Variants in WDR17 observed in about 807,000 individuals in gnomAD.
WDR17 encodes WD repeat domain 17, also known as WD repeat-containing protein 17.
A neutral mutation model predicts 161.7 loss-of-function variants in WDR17; 143 were observed. That is an observed-to-expected ratio of 0.88 (90% CI 0.77 to 1.02). The LOEUF (loss-of-function observed/expected upper bound fraction) is 1.02, where lower values mean the gene tolerates loss of function less well. WDR17 is among the 50% of genes least tolerant of loss of function. WDR17 has a pLI of 0.00. For missense variants in WDR17, 1,469 were observed against 1,520.9 expected, an observed-to-expected ratio of 0.97 and a Z score of 0.57; for synonymous variants, 517 against 515.6, an observed-to-expected ratio of 1.00 and a Z score of -0.04.
At chr4:176,144,395 A>G (rs373574176) in intron 11 of WDR17, among the ~76,000 whole-genome samples, 3 of 152,224 alleles carry the variant, frequency 2.0e-5, no homozygotes, top group Admixed American at 2.0e-4. Flanking sequence ...TATTCTTAGC[A>G]AAACACTCAG....
chr4:176,130,812 C>A (rs1027891572), intron 6 of WDR17, among the ~76,000 whole-genome samples: 1 of 150,392 alleles, frequency 6.6e-6, no homozygotes, highest in Admixed American at 6.6e-5. Context: ...ATCGATTGGT[C>A]TTATAATTTA....
At chr4:176,090,743 C>A (rs1457630169) in intron 1 of WDR17, among the ~76,000 whole-genome samples, 5 of 152,168 alleles carry the variant, frequency 3.3e-5, no homozygotes, top group African/African-American at 1.2e-4. Flanking sequence ...AGGAGTCTCA[C>A]AGCCTTCAGA....
chr4:176,147,986 A>G, intron 12 of WDR17, 147 bp from the exon 13 acceptor site: 1 of 499,128 alleles, frequency 2.0e-6, no homozygotes, highest in South Asian at 5.0e-5. Context: ...TATTTTTTAA[A>G]TTAAAATGAA....
At position 176,167,664 on chromosome 4, in the gene WDR17, A is replaced by ACAAC. The variant is rs1554036554; in HGVS notation, c.2991-1008_2991-1007insCAAC. ...CGTCTCAAAAAAAAAAAAAAAAAAA[A>ACAAC]AAAAAAAACAATATCTTGAATTATT... On this transcript the variant is annotated intron_variant, in intron 22 of 28. Transcript: ENST00000508596. Among the ~76,000 whole-genome samples the ACAAC allele has an allele frequency of 8.6e-4, 126 of 146,912 alleles. 7 individuals carry two copies. The highest frequency in any genetic ancestry group is 3.5e-3 in the Middle Eastern group (1 of 288).
chr4:176,073,395 G>A (rs1206450795), intron 1 of WDR17, among the ~76,000 whole-genome samples: 5 of 151,348 alleles, frequency 3.3e-5, no homozygotes, highest in Non-Finnish European at 5.9e-5. Flanking sequence ...GAGAATGATC[G>A]TTTCCAGTTT....
Position 176,131,576 on chromosome 4 carries a change from A to G in WDR17, c.936A>G (p.Lys312=). Residue 312 remains lysine (K), a synonymous_variant, in exon 7 of 29, where the codon AAA becomes AAG. Transcript: ENST00000508596. ...TAGTTTCAGTCCAATCTCCAACCAA[A>G]AATCATTATACATCCTCAACAAGCG... ...RKKFSVQSPT[K]NHYTSSTSEA... is the part of the protein sequence containing the mutation. 1 of 1,606,882 alleles carries G rather than the reference A, an allele frequency of 6.2e-7. No homozygotes were observed. The highest frequency in any genetic ancestry group is 1.1e-5 in the South Asian group (1 of 89,354).
At chr4:176,120,812 A>G (rs545222510) in intron 4 of WDR17, among the ~76,000 whole-genome samples, 2 of 152,022 alleles carry the variant, frequency 1.3e-5, no homozygotes, top group South Asian at 2.1e-4. Flanking sequence ...CAGGAACACG[A>G]TAACTACTTT....
At chr4:176,070,582 T>C (rs575947269) in intron 1 of WDR17, among the ~76,000 whole-genome samples, 62 of 152,180 alleles carry the variant, frequency 4.1e-4, no homozygotes, top group Middle Eastern at 3.4e-3. Context: ...GGTGTGATCA[T>C]GGCTCACTGC....
chr4:176,174,345 G>A (rs1184995832), intron 25 of WDR17, among the ~76,000 whole-genome samples: 3 of 152,006 alleles, frequency 2.0e-5, no homozygotes, highest in Non-Finnish European at 4.4e-5. Context: ...ATTACATGAA[G>A]AAACAGCCAG....
rs190643815 is a variant in WDR17 at position 176,179,834 on chromosome 4, G to T, written c.*255G>T. ...AAGGAGGAAACATTTAAATTATAAA[G>T]GACTGAATAATCTAAAAAGCATATA... is the stretch of plus-strand genomic sequence containing the variant. On this transcript the variant is annotated 3_prime_UTR_variant, in exon 29 of 29. Coordinates refer to ENST00000508596, the MANE Select transcript of WDR17 (RefSeq NM_181265.4). 4.7e-3 allele frequency: 847 copies of T among 180,882 alleles called. 3 individuals carry two copies. Among genetic ancestry groups the T allele is most frequent in the Non-Finnish European group, 6.0e-3 (533 of 88,608 alleles). 11.2% of individuals were successfully genotyped at this position (180,882 alleles called of 1,614,324 possible).
intron 17 of WDR17, among the ~76,000 whole-genome samples, chr4:176,152,357 G>A (rs1350000951): frequency 1.3e-5 from 2 of 148,298 alleles, no homozygotes; most frequent in Non-Finnish European, 3.0e-5. Flanking sequence ...AACACTTTGG[G>A]AGGCCAAGTC....
intron 1 of WDR17, among the ~76,000 whole-genome samples, chr4:176,103,734 A>G (rs7692146): frequency 0.62 from 94,505 of 151,828 alleles, 29,691 homozygotes; most frequent in South Asian, 0.64. Flanking sequence ...AACAGAAAGA[A>G]ATTGAAGAGA....
rs1222201952 is a variant in WDR17, at chr4:176,150,001, T to C, written c.2048-42T>C. Reference sequence around the variant, plus strand: ...ATTAGAGTTTATTTCTAAATAAGTTTTATGAGAAATCTTTTCTCACTGAAT... The same window carrying C: ...ATTAGAGTTTATTTCTAAATAAGTTCTATGAGAAATCTTTTCTCACTGAAT... On this transcript the variant is annotated intron_variant, in intron 14 of 28. Coordinates refer to ENST00000508596, the MANE Select transcript of WDR17 (RefSeq NM_181265.4). 1.9e-6 allele frequency: 3 copies of C among 1,610,456 alleles called. No individual in the cohort carries two copies. The African/African-American group carries it at 4.0e-5, about 22-fold the overall frequency.
At chr4:176,156,990 C>G (rs1181765419) in intron 18 of WDR17, among the ~76,000 whole-genome samples, 1 of 152,112 alleles carries the variant, frequency 6.6e-6, no homozygotes, top group African/African-American at 2.4e-5. Context: ...AGGTCCTACC[C>G]TAATCCAGTA....
intron 15 of WDR17, 131 bp downstream of exon 15, chr4:176,150,304 A>C: frequency 1.4e-6 from 2 of 1,460,274 alleles, no homozygotes; most frequent in Non-Finnish European, 1.8e-6. Context: ...TCTGTGCACT[A>C]TAAGAAAGCA....
intron 10 of WDR17, among the ~76,000 whole-genome samples, chr4:176,141,128 A>G (rs1745187472): frequency 6.6e-6 from 1 of 152,132 alleles, no homozygotes; most frequent in South Asian, 2.1e-4. Flanking sequence ...CACTGTGGTA[A>G]TAATAGACTA....
chr4:176,170,257 T>G (rs1750512883), intron 23 of WDR17, among the ~76,000 whole-genome samples: 1 of 151,998 alleles, frequency 6.6e-6, no homozygotes, highest in African/African-American at 2.4e-5. Flanking sequence ...TATGTACTAT[T>G]TTTTTATTCC....
intron 7 of WDR17, 36 bp downstream of exon 7, chr4:176,131,774 G>GT (rs748695070): frequency 2.1e-6 from 3 of 1,444,960 alleles, no homozygotes; most frequent in Non-Finnish European, 1.8e-6. Context: ...ATACATAATA[G>GT]TTTTTTGTGT....
At chr4:176,161,341 T>G (rs1461491614) in intron 20 of WDR17, among the ~76,000 whole-genome samples, 1 of 152,210 alleles carries the variant, frequency 6.6e-6, no homozygotes, top group Non-Finnish European at 1.5e-5. Flanking sequence ...TATTAATGTT[T>G]TACTCTAAAG....
Sources: allele counts gnomAD v4.1 joint callset (sites outside exome capture counted in the v4.1 genomes callset), GRCh38; gene constraint gnomAD v4.1.1; transcripts MANE v1.5; gene names NCBI Gene and HGNC (gene_info 2026-07-23, HGNC 2026-07-21).